The following CCDC158 variants were observed in gnomAD, a reference collection of about 807,000 sequenced individuals.
CCDC158 encodes coiled-coil domain-containing protein 158.
CCDC158 carries 116 observed loss-of-function variants against 138.6 expected under a neutral mutation model. The observed-to-expected ratio is 0.84, with a 90% CI of 0.72 to 0.98. The LOEUF is 0.98. CCDC158 is among the 50% of genes least tolerant of loss of function. The probability of loss-of-function intolerance (pLI) is 0.00; values close to 1 mark genes in which losing one functional copy is unlikely to be tolerated. For synonymous variants in CCDC158, 436 were observed against 442.4 expected, an observed-to-expected ratio of 0.99 and a Z score of 0.18; for missense variants, 1,265 against 1,306.1, an observed-to-expected ratio of 0.97 and a Z score of 0.48.
chr4:76,324,582 T>A (rs1261344943), intron 23 of CCDC158, among the ~76,000 whole-genome samples: 1 of 152,110 alleles, frequency 6.6e-6, no homozygotes, highest in Non-Finnish European at 1.5e-5. Flanking sequence ...CATGCCTTTA[T>A]GTAACAAAAA....
In CCDC158 at chr4:76,367,524, GCAGCTCCTGCAATTTCAAGTC is replaced by G. The variant is rs748563082; in HGVS notation, c.1579_1599del (p.Asp527_Leu533del). ...TGATCCCCTTCATTTTTCAAGTGTTGCAGCTCCTGCAATTTCAAGTCCACCCGGGAGCGGAGCTTTGTGATC... is the reference window on the plus strand; with the variant it reads ...TGATCCCCTTCATTTTTCAAGTGTTGCACCCGGGAGCGGAGCTTTGTGATC... On this transcript the variant is annotated inframe_deletion, in exon 12 of 25. Transcript: ENST00000682701. 5.3e-5 allele frequency: 86 copies of G among 1,614,056 alleles called. No individual in the cohort carries two copies. The African/African-American group carries it at 1.0e-3, about 19-fold the overall frequency.
intron 24 of CCDC158, among the ~76,000 whole-genome samples, chr4:76,321,545 G>T (rs868221222): frequency 1.3e-5 from 2 of 148,454 alleles, no homozygotes; most frequent in Non-Finnish European, 1.5e-5. Flanking sequence ...AAATTATATC[G>T]ATCTATCTAT....
chr4:76,411,206 A>G (rs1454216087), intron 2 of CCDC158, among the ~76,000 whole-genome samples: 2 of 152,200 alleles, frequency 1.3e-5, no homozygotes. Context: ...TTTAGAGACC[A>G]GCCTGGTCAA....
intron 18 of CCDC158, among the ~76,000 whole-genome samples, chr4:76,348,328 G>A (rs1047859070): frequency 7.3e-5 from 11 of 150,950 alleles, no homozygotes; most frequent in South Asian, 4.2e-4. Flanking sequence ...CCAGCTACTC[G>A]GGAGGCTGAG....
intron 4 of CCDC158, among the ~76,000 whole-genome samples, chr4:76,392,125 G>A (rs1727367636): frequency 6.6e-6 from 1 of 151,898 alleles, no homozygotes; most frequent in African/African-American, 2.4e-5. Context: ...ATTCTATGAT[G>A]GCAGTTATTA....
chr4:76,410,412 T>C (rs1358137245), intron 2 of CCDC158, among the ~76,000 whole-genome samples: 1 of 152,134 alleles, frequency 6.6e-6, no homozygotes, highest in Non-Finnish European at 1.5e-5. Context: ...CTTGAACTCC[T>C]GGCCTCAAGT....
chr4:76,335,818 G>A (rs575746409), intron 18 of CCDC158, among the ~76,000 whole-genome samples: 28 of 152,178 alleles, frequency 1.8e-4, no homozygotes, highest in Non-Finnish European at 3.4e-4. Context: ...GGCGATCCAC[G>A]CATCTTGGTT....
At chr4:76,382,862 G>A (rs1726405000) in intron 7 of CCDC158, 142 bp from the exon 8 acceptor site, 15 of 569,668 alleles carry the variant, frequency 2.6e-5, no homozygotes, top group Middle Eastern at 4.5e-4. Context: ...AATAACAAGT[G>A]TCTACAACAA....
chr4:76,401,142 C>T (rs17001901), intron 3 of CCDC158: 4,818 of 265,204 alleles, frequency 0.018, 229 homozygotes, highest in African/African-American at 0.1. Context: ...GGGTACACTA[C>T]CTTCATGTGC....
At position 76,375,440 on chromosome 4, in the gene CCDC158, C is replaced by T. The variant is rs147030678; in HGVS notation, c.1029+3850G>A. Reference sequence around the variant, plus strand: ...TAAGGGATGCTACAGGCCAGCATGGCGGTGCATTGGCAGAACTATGCAGAG... The same window carrying T: ...TAAGGGATGCTACAGGCCAGCATGGTGGTGCATTGGCAGAACTATGCAGAG... On this transcript the variant is annotated intron_variant, in intron 9 of 24. Transcript: ENST00000682701. 844 of 560,776 alleles carry T rather than the reference C, an allele frequency of 1.5e-3. 5 individuals are homozygous for T. Among genetic ancestry groups the T allele is most frequent in the African/African-American group, 0.014 (753 of 52,166 alleles). The allele number at this position is 560,776 out of a possible 1,614,324, so 34.7% of individuals were successfully genotyped here.
At chr4:76,313,302 A>G in intron 24 of CCDC158, 56 bp from the exon 25 acceptor site, 4 of 992,044 alleles carry the variant, frequency 4.0e-6, no homozygotes. Flanking sequence ...CTTTAATTCT[A>G]CTATGTGCTA....
chr4:76,414,298 C>A (rs1307947592), intron 1 of CCDC158: 1 of 152,166 alleles, frequency 6.6e-6, no homozygotes, highest in East Asian at 1.9e-4. Context: ...CCTCACTAAA[C>A]CTTCTTTCTT....
intron 23 of CCDC158, among the ~76,000 whole-genome samples, chr4:76,323,892 G>T (rs1388318049): frequency 2.0e-5 from 3 of 152,182 alleles, no homozygotes; most frequent in African/African-American, 7.2e-5. Context: ...GCAGAGGGTG[G>T]CATGGATGCC....
intron 1 of CCDC158, chr4:76,414,332 A>G (rs1054048818): frequency 2.6e-5 from 4 of 152,166 alleles, no homozygotes; most frequent in Non-Finnish European, 5.9e-5. Flanking sequence ...ATCTTCATCA[A>G]TTCAAATTCC....
chr4:76,388,253 G>T (rs1478006665), intron 4 of CCDC158, among the ~76,000 whole-genome samples: 1 of 152,146 alleles, frequency 6.6e-6, no homozygotes, highest in African/African-American at 2.4e-5. Context: ...GCCACAGTCG[G>T]GTAGAGCAAC....
At chr4:76,348,762 T>C (rs1394967895) in intron 18 of CCDC158, among the ~76,000 whole-genome samples, 2 of 151,646 alleles carry the variant, frequency 1.3e-5, no homozygotes, top group African/African-American at 4.8e-5. Context: ...ATCTGGAAAA[T>C]AGGCCAGGAA....
chr4:76,378,641 G>A (rs773273680), intron 9 of CCDC158, among the ~76,000 whole-genome samples: 1 of 151,854 alleles, frequency 6.6e-6, no homozygotes, highest in Non-Finnish European at 1.5e-5. Context: ...CTTAATGGCA[G>A]CTCCTTGTTT....
intron 22 of CCDC158, 92 bp from the exon 23 acceptor site, chr4:76,326,107 G>A (rs1178580801): frequency 3.9e-6 from 4 of 1,016,542 alleles, no homozygotes; most frequent in Non-Finnish European, 5.8e-6. Flanking sequence ...ATGAGAAAAT[G>A]TTCCCAATGG....
intron 1 of CCDC158, among the ~76,000 whole-genome samples, chr4:76,417,414 T>C (rs1729784390): frequency 6.6e-6 from 1 of 152,168 alleles, no homozygotes; most frequent in Non-Finnish European, 1.5e-5. Flanking sequence ...GGGGGACTAC[T>C]GGTAAGGCAT....
Sources: gnomAD v4.1 joint callset for allele counts (sites outside exome capture counted in the v4.1 genomes callset) on GRCh38, gnomAD v4.1.1 for gene constraint, MANE v1.5 for transcripts, NCBI Gene and HGNC (gene_info 2026-07-23, HGNC 2026-07-21) for gene names.